Variants in IFT43 observed in about 807,000 individuals in gnomAD.
The protein encoded by IFT43 is intraflagellar transport protein 43 homolog.
A neutral mutation model predicts 32.3 loss-of-function variants in IFT43; 33 were observed. That is an observed-to-expected ratio of 1.02 (90% CI 0.77 to 1.37). IFT43 has a LOEUF of 1.37. Among genes scored for constraint, IFT43 ranks in the 40% most tolerant of loss-of-function variants. The probability of loss-of-function intolerance (pLI) is 0.00; values close to 1 mark genes in which losing one functional copy is unlikely to be tolerated. For missense variants in IFT43, 274 were observed against 265.9 expected (o/e 1.03, Z -0.21); for synonymous variants, 93 against 98.2 (o/e 0.95, Z 0.31).
At chr14:76,043,891 GT>G (rs1019563514) in intron 3 of IFT43, among the ~76,000 whole-genome samples, 1 of 152,140 alleles carries the variant, frequency 6.6e-6, no homozygotes, top group Non-Finnish European at 1.5e-5. Flanking sequence ...GCCCTGGGTT[GT>G]TTTACCTGTG....
rs1226516949 is a variant in IFT43 at position 76,015,693 on chromosome 14, G to C, written c.148-6634G>C. ...TGGGAAGAAAATGAGAGGAAATGTG[G>C]CTTTGTGTTACCTCTTGGCAGAAAG... On this transcript the variant is annotated intron_variant, in intron 2 of 8. Coordinates refer to ENST00000314067, the MANE Select transcript of IFT43 (RefSeq NM_001102564.3). Among the ~76,000 whole-genome samples, 8 of 152,286 alleles carry C rather than the reference G, an allele frequency of 5.3e-5. No homozygotes were observed. In the East Asian group the frequency reaches 1.5e-3, roughly 29 times the overall value.
At chr14:76,022,519 C>T in intron 3 of IFT43, 125 bp downstream of exon 3, 1 of 639,644 alleles carries the variant, frequency 1.6e-6, no homozygotes, top group Non-Finnish European at 2.9e-6. Flanking sequence ...ATACAATTCA[C>T]CCACTTAAAA....
intron 3 of IFT43, among the ~76,000 whole-genome samples, chr14:76,028,798 T>G (rs1274990045): frequency 6.6e-6 from 1 of 152,218 alleles, no homozygotes; most frequent in African/African-American, 2.4e-5. Flanking sequence ...TTCATTCTTT[T>G]AAATGGTTGC....
chr14:75,998,533 T>C (rs2035790861), intron 2 of IFT43, among the ~76,000 whole-genome samples: 3 of 151,886 alleles, frequency 2.0e-5, no homozygotes, highest in African/African-American at 7.3e-5. Flanking sequence ...CCAAAAGAAA[T>C]TGAGGAGTGG....
At chr14:75,998,342 A>G (rs1193293413) in intron 2 of IFT43, among the ~76,000 whole-genome samples, 1 of 152,152 alleles carries the variant, frequency 6.6e-6, no homozygotes, top group Non-Finnish European at 1.5e-5. Flanking sequence ...ACTTGTGTAT[A>G]CCAGGCTGTG....
chr14:76,035,198 C>A (rs1313378350), intron 3 of IFT43, among the ~76,000 whole-genome samples: 1 of 152,176 alleles, frequency 6.6e-6, no homozygotes, highest in Non-Finnish European at 1.5e-5. Flanking sequence ...ACTAAATGAT[C>A]TGTCAGTTTA....
chr14:76,077,779 G>A (rs1280982163), intron 5 of IFT43, among the ~76,000 whole-genome samples: 2 of 152,116 alleles, frequency 1.3e-5, no homozygotes, highest in African/African-American at 4.8e-5. Context: ...ACAACGTCCC[G>A]CCTTCAGTCT....
chr14:76,026,066 T>C (rs2036387574), intron 3 of IFT43, among the ~76,000 whole-genome samples: 1 of 152,086 alleles, frequency 6.6e-6, no homozygotes, highest in Non-Finnish European at 1.5e-5. Context: ...AAAAGTGTAG[T>C]ATCTAGCATC....
At chr14:76,055,163 G>A (rs1276986438) in intron 3 of IFT43, among the ~76,000 whole-genome samples, 1 of 152,114 alleles carries the variant, frequency 6.6e-6, no homozygotes, top group African/African-American at 2.4e-5. Context: ...GGACAATACA[G>A]TGAGACCCTG....
chr14:75,986,716 C>T (rs545832766), intron 1 of IFT43, among the ~76,000 whole-genome samples: 1 of 152,282 alleles, frequency 6.6e-6, no homozygotes, highest in South Asian at 2.1e-4. Flanking sequence ...TTTGTAACCC[C>T]CATCAGGCCT....
At chr14:76,081,693 T>C (rs187349149) in intron 5 of IFT43, among the ~76,000 whole-genome samples, 1 of 152,320 alleles carries the variant, frequency 6.6e-6, no homozygotes, top group African/African-American at 2.4e-5. Flanking sequence ...AGAATCAGCA[T>C]CCCTGATTAC....
chr14:76,027,582 G>T (rs980572718), intron 3 of IFT43, among the ~76,000 whole-genome samples: 3 of 151,924 alleles, frequency 2.0e-5, no homozygotes, highest in African/African-American at 7.3e-5. Context: ...GGTGGCGGGT[G>T]CCTGTAGTCC....
At chr14:76,063,621 G>A (rs776606043) in intron 5 of IFT43, among the ~76,000 whole-genome samples, 3 of 152,216 alleles carry the variant, frequency 2.0e-5, no homozygotes, top group Non-Finnish European at 4.4e-5. Flanking sequence ...GGAAACAGTA[G>A]TACCATGTAT....
intron 3 of IFT43, 51 bp from the exon 4 acceptor site, chr14:76,058,591 C>T (rs772934285): frequency 1.2e-6 from 2 of 1,607,258 alleles, no homozygotes; most frequent in South Asian, 2.2e-5. Flanking sequence ...CTACCTGGTG[C>T]ATGAGACTAG....
At chr14:76,017,601 A>G (rs535904253) in intron 2 of IFT43, among the ~76,000 whole-genome samples, 2 of 152,180 alleles carry the variant, frequency 1.3e-5, no homozygotes, top group African/African-American at 4.8e-5. Context: ...CTCCCATTCA[A>G]TTTTTGGGAA....
At chr14:76,072,986 G>C (rs1165340755) in intron 5 of IFT43, among the ~76,000 whole-genome samples, 1 of 152,192 alleles carries the variant, frequency 6.6e-6, no homozygotes, top group Non-Finnish European at 1.5e-5. Flanking sequence ...GCGAGCAGGA[G>C]AGTGGCCTTA....
intron 5 of IFT43, among the ~76,000 whole-genome samples, chr14:76,075,417 C>G (rs1238615193): frequency 6.6e-6 from 1 of 152,210 alleles, no homozygotes; most frequent in East Asian, 1.9e-4. Context: ...CTGCCTCTTT[C>G]CCTTGTTCCT....
rs187643500 is a variant in IFT43, at chr14:75,992,036, A to G, written c.147+3059A>G. Among the ~76,000 whole-genome samples the G allele has an allele frequency of 2.0e-5, 3 of 152,368 alleles. No homozygotes were observed. In the East Asian group the frequency reaches 5.8e-4, roughly 29 times the overall value. ...TTGCTGACTGTATTCTAGGATGAAG[A>G]TATCCATGCAAACGTAAATATGGTA... On this transcript the variant is annotated intron_variant, in intron 2 of 8. Coordinates refer to ENST00000314067, the MANE Select transcript of IFT43 (RefSeq NM_001102564.3).
chr14:76,051,597 C>G (rs574554462), intron 3 of IFT43, among the ~76,000 whole-genome samples: 1 of 152,302 alleles, frequency 6.6e-6, no homozygotes, highest in African/African-American at 2.4e-5. Flanking sequence ...ATTGCCTTCT[C>G]TCTCTCATGC....
Sources: gnomAD v4.1 joint callset for allele counts (sites outside exome capture counted in the v4.1 genomes callset) on GRCh38, gnomAD v4.1.1 for gene constraint, MANE v1.5 for transcripts, NCBI Gene and HGNC (gene_info 2026-07-23, HGNC 2026-07-21) for gene names.